The following KDM2B variants were observed in gnomAD, a reference collection of about 807,000 sequenced individuals.
KDM2B encodes the protein lysine-specific demethylase 2B.
In KDM2B, 26 loss-of-function variants were observed where a neutral mutation model predicts 150.0. The ratio of observed to expected loss-of-function variants is 0.17; its 90% confidence interval spans 0.13 to 0.24. The LOEUF is 0.24. Ranked by LOEUF, KDM2B falls within the 10% of genes least tolerant of loss-of-function variation. The pLI is 1.00. For synonymous variants in KDM2B, 734 were observed against 729.5 expected, an observed-to-expected ratio of 1.01 and a Z score of -0.10; for missense variants, 1,265 against 1,816.9, an observed-to-expected ratio of 0.70 and a Z score of 5.52.
Position 121,437,216 on chromosome 12 carries a change from G to A in KDM2B, c.3829+2641C>T, listed in dbSNP as rs190978892. On this transcript the variant is annotated intron_variant, in intron 22 of 22. Transcript: ENST00000377071. ...CTGGTCAAGAAACTGATGAGTTGGGGGTGGGGAGGGGGAGAGCATTCAATT... is the reference window on the plus strand; with the variant it reads ...CTGGTCAAGAAACTGATGAGTTGGGAGTGGGGAGGGGGAGAGCATTCAATT... Among the ~76,000 whole-genome samples, 1,004 of 152,190 alleles carry A rather than the reference G, an allele frequency of 6.6e-3. 8 individuals carry two copies. Among genetic ancestry groups the A allele is most frequent in the African/African-American group, 0.023 (969 of 41,518 alleles).
intron 12 of KDM2B, among the ~76,000 whole-genome samples, chr12:121,456,300 C>A (rs1878229982): frequency 6.6e-6 from 1 of 152,234 alleles, no homozygotes; most frequent in Non-Finnish European, 1.5e-5. Context: ...AGGGTGCCAA[C>A]AAGAGGTGCA....
chr12:121,442,272 G>A lies in KDM2B; in HGVS notation c.3169C>T (p.Leu1057=), dbSNP rs782746777. Residue 1057 remains leucine (L), a synonymous_variant, in exon 19 of 23, where the codon CTG becomes TTG. Coordinates refer to ENST00000377071, the MANE Select transcript of KDM2B (RefSeq NM_032590.5). This position sits in a 1 kb window ranked among gnomAD's most constrained non-coding sequence, Gnocchi z 7.7. ...ATGACGTGGGCTGCCCCATCGTCCA[G>A]GGGTAGCGAGTCAGGCGGGGGGCTG... ...PISPPPDSLP[L]DDGAAHVMHR... 8 of 1,612,750 alleles carry A rather than the reference G, an allele frequency of 5.0e-6. No individual in the cohort carries two copies. In the Admixed American group the frequency reaches 1.0e-4, roughly 20 times the overall value.
intron 9 of KDM2B, among the ~76,000 whole-genome samples, chr12:121,515,526 C>T (rs1305210836): frequency 8.3e-6 from 1 of 120,950 alleles, no homozygotes. Context: ...CCACCCTCCC[C>T]GAATCACACT....
At chr12:121,509,360 C>T (rs1206885786) in intron 11 of KDM2B, among the ~76,000 whole-genome samples, 3 of 151,940 alleles carry the variant, frequency 2.0e-5, no homozygotes, top group Non-Finnish European at 4.4e-5. Flanking sequence ...CCCCACCCAC[C>T]CTCTGCAGCT....
At chr12:121,494,999 CTTT>C (rs71079074) in intron 11 of KDM2B, among the ~76,000 whole-genome samples, 7 of 138,552 alleles carry the variant, frequency 5.1e-5, no homozygotes, top group East Asian at 2.1e-4. Context: ...CAAACTTTTT[CTTT>C]TTTTTTTTTT....
intron 4 of KDM2B, among the ~76,000 whole-genome samples, chr12:121,551,698 G>A (rs144286406): frequency 1.1e-4 from 16 of 152,208 alleles, no homozygotes; most frequent in Admixed American, 5.2e-4. Context: ...AATTAAGGGC[G>A]TGCACCACCG....
At chr12:121,576,100 C>G (rs1374142010) in intron 2 of KDM2B, among the ~76,000 whole-genome samples, 2 of 152,124 alleles carry the variant, frequency 1.3e-5, no homozygotes, top group Non-Finnish European at 2.9e-5. Context: ...TCTCGGCATG[C>G]CCCACCGGTC....
At chr12:121,470,723 C>T (rs571624477) in intron 12 of KDM2B, among the ~76,000 whole-genome samples, 4 of 151,828 alleles carry the variant, frequency 2.6e-5, no homozygotes, top group East Asian at 3.9e-4. Flanking sequence ...ATGCCAGAGA[C>T]GAGGAGGATG....
At chr12:121,570,400 G>C (rs1566431085) in intron 4 of KDM2B, among the ~76,000 whole-genome samples, 1 of 152,058 alleles carries the variant, frequency 6.6e-6, no homozygotes, top group Non-Finnish European at 1.5e-5. Flanking sequence ...TCCCCAGGCT[G>C]GTCTTGAACT....
At position 121,494,721 on chromosome 12, in the gene KDM2B, A is replaced by G. The variant is rs77439037; in HGVS notation, c.1648-56T>C. ...CAGGGGGAAGGGGAGGTCTCTGAAG[A>G]CAGCTGAACAGCAGACATAGTCCAG... On this transcript the variant is annotated intron_variant, in intron 11 of 22. Coordinates refer to ENST00000377071, the MANE Select transcript of KDM2B (RefSeq NM_032590.5). 6.9e-4 allele frequency: 910 copies of G among 1,327,256 alleles called. 13 individuals are homozygous for G. In the African/African-American group the frequency reaches 0.012, roughly 17 times the overall value. 82.2% of individuals were successfully genotyped at this position (1,327,256 alleles called of 1,614,324 possible).
the KDM2B span, among the ~76,000 whole-genome samples, chr12:121,414,742 G>A: frequency 2.0e-5 from 3 of 151,494 alleles, no homozygotes; most frequent in Non-Finnish European, 4.4e-5. Context: ...GCTTGATCTC[G>A]GATCACAACA....
intron 4 of KDM2B, among the ~76,000 whole-genome samples, chr12:121,552,155 A>T (rs1204144365): frequency 6.6e-6 from 1 of 152,156 alleles, no homozygotes; most frequent in Non-Finnish European, 1.5e-5. Flanking sequence ...TACATATATT[A>T]TCTTGTGTTA....
chr12:121,552,674 A>AT (rs1469384747), intron 4 of KDM2B, among the ~76,000 whole-genome samples: 10 of 93,318 alleles, frequency 1.1e-4, no homozygotes, highest in African/African-American at 4.7e-4. Context: ...CTCTGTCTTA[A>AT]TTAAAAAAAA....
chr12:121,479,771 G>A (rs1421779525), intron 12 of KDM2B, among the ~76,000 whole-genome samples: 1 of 150,916 alleles, frequency 6.6e-6, no homozygotes, highest in African/African-American at 2.4e-5. Flanking sequence ...ACAGGCACGT[G>A]CCACCACACC....
At chr12:121,412,086 G>C in the KDM2B span, among the ~76,000 whole-genome samples, 2 of 151,970 alleles carry the variant, frequency 1.3e-5, no homozygotes, top group Non-Finnish European at 2.9e-5. Flanking sequence ...TTTTGAGATG[G>C]AGTCTCGCTC....
rs1891466503 is a variant in KDM2B at position 121,575,970 on chromosome 12, G to A, written c.272-111C>T. The A allele has an allele frequency of 1.3e-6, 1 of 762,782 alleles. No individual in the cohort carries two copies. The highest frequency in any genetic ancestry group is 1.4e-5 in the South Asian group (1 of 68,992). 47.3% of individuals were successfully genotyped at this position (762,782 alleles called of 1,614,324 possible). On this transcript the variant is annotated intron_variant, in intron 2 of 22. Transcript: ENST00000377071. The surrounding 1 kb of genome is among the most constrained non-coding windows in gnomAD (Gnocchi z 4.4). ...GATGGACGAAGGGGCAGGGGGTCCA[G>A]GAGATGCAGGCACCAGCTGTACAGC... is the stretch of plus-strand genomic sequence containing the variant.
intron 8 of KDM2B, chr12:121,524,823 C>A (rs1044072751): frequency 3.9e-5 from 13 of 329,226 alleles, no homozygotes; most frequent in African/African-American, 2.8e-4. Context: ...GCTATTCAGG[C>A]CAAGCGACCA....
At chr12:121,544,459 C>CAA (rs1888859855) in intron 6 of KDM2B, among the ~76,000 whole-genome samples, 1 of 148,726 alleles carries the variant, frequency 6.7e-6, no homozygotes, top group Non-Finnish European at 1.5e-5. Flanking sequence ...AAAATATAAA[C>CAA]ATTAGCCGGG....
chr12:121,419,997 C>G, the KDM2B span: 2 of 391,820 alleles, frequency 5.1e-6, no homozygotes, highest in Non-Finnish European at 9.6e-6. Context: ...AGTTAATACT[C>G]TGGTTAGATT....
Sources: gnomAD v4.1 joint callset for allele counts (sites outside exome capture counted in the v4.1 genomes callset) on GRCh38, gnomAD v4.1.1 for gene constraint, Gnocchi (gnomAD v3.1) non-coding constraint, MANE v1.5 for transcripts, NCBI Gene and HGNC (gene_info 2026-07-23, HGNC 2026-07-21) for gene names.